Variants in IGDCC4 observed in about 807,000 individuals in gnomAD.
IGDCC4 encodes the protein likely ortholog of mouse neighbor of Punc E11.
IGDCC4 carries 72 observed loss-of-function variants against 116.6 expected under a neutral mutation model. That is an observed-to-expected ratio of 0.62 (90% CI 0.51 to 0.75). The LOEUF (loss-of-function observed/expected upper bound fraction) is 0.75, where lower values mean the gene tolerates loss of function less well. Ranked by LOEUF, IGDCC4 falls within the 30% of genes least tolerant of loss-of-function variation. The pLI, the probability that IGDCC4 is intolerant of heterozygous loss-of-function variation, is 0.00. For missense variants in IGDCC4, 1,501 were observed against 1,662.4 expected (o/e 0.90, Z 1.69); for synonymous variants, 709 against 719.9 (o/e 0.98, Z 0.24).
chr15:65,397,391 G>A (rs1482663430), intron 5 of IGDCC4, among the ~76,000 whole-genome samples: 2 of 152,174 alleles, frequency 1.3e-5, no homozygotes, highest in African/African-American at 4.8e-5. Context: ...ATTCGAATGC[G>A]CACAAAGTTT....
chr15:65,422,669 A>G (rs1595799939), intron 1 of IGDCC4, 124 bp downstream of exon 1: 2 of 724,100 alleles, frequency 2.8e-6, no homozygotes, highest in East Asian at 4.8e-5. Flanking sequence ...GGGCACCTGG[A>G]CGCGCAGCCC....
chr15:65,411,686 C>T (rs1214480103), intron 1 of IGDCC4, among the ~76,000 whole-genome samples: 1 of 152,210 alleles, frequency 6.6e-6, no homozygotes, highest in African/African-American at 2.4e-5. Flanking sequence ...ATGCATGCTA[C>T]AAGGTAGCAA....
At chr15:65,405,935 G>A (rs115555903) in intron 3 of IGDCC4, among the ~76,000 whole-genome samples, 2,853 of 152,274 alleles carry the variant, frequency 0.019, 47 homozygotes, top group South Asian at 0.051. Context: ...AAGAAATGAC[G>A]CAGCTGCTCT....
chr15:65,414,167 G>C (rs2063122937), intron 1 of IGDCC4, among the ~76,000 whole-genome samples: 1 of 152,218 alleles, frequency 6.6e-6, no homozygotes, highest in Non-Finnish European at 1.5e-5. Context: ...AAGAGTGAGG[G>C]GAGAAGAGCA....
At chr15:65,394,986 G>T (rs2062906495) in intron 8 of IGDCC4, 108 bp downstream of exon 8, 5 of 1,211,868 alleles carry the variant, frequency 4.1e-6, no homozygotes, top group Middle Eastern at 2.9e-4. Context: ...CACAAAAGAT[G>T]ATATGAGCAG....
chr15:65,420,189 C>T (rs967828427), intron 1 of IGDCC4, among the ~76,000 whole-genome samples: 5 of 152,326 alleles, frequency 3.3e-5, no homozygotes, highest in Middle Eastern at 3.4e-3. Context: ...TCACGTGATC[C>T]GCCCGCCTTG....
At chr15:65,404,821 C>T (rs1225944587) in intron 3 of IGDCC4, among the ~76,000 whole-genome samples, 1 of 152,096 alleles carries the variant, frequency 6.6e-6, no homozygotes, top group East Asian at 1.9e-4. Context: ...GAGGCAGAGG[C>T]AGGAGGATTG....
chr15:65,416,870 C>T (rs2063149956), intron 1 of IGDCC4, among the ~76,000 whole-genome samples: 2 of 152,152 alleles, frequency 1.3e-5, no homozygotes, highest in East Asian at 1.9e-4. Context: ...TTTTATGAGG[C>T]CAATTAGAAC....
In IGDCC4 at chr15:65,395,232, C is replaced by A. The variant is rs775525455; in HGVS notation, c.1438G>T (p.Ala480Ser). The A allele has an allele frequency of 1.2e-5, 19 of 1,613,406 alleles. No homozygotes were observed. The highest frequency in any genetic ancestry group is 2.2e-5 in the South Asian group (2 of 91,046). ...RGMDNVEYQF[A>S]VNNDTTELQV... ...AGTTCTGTGGTGTCGTTGTTCACTG[C>A]AAACTGGTATTCCACATTGTCCATG... The change falls in exon 8 of 20, where the codon GCA (alanine) becomes TCA (serine). Residue 480 changes from alanine to serine, a missense_variant. Coordinates refer to ENST00000352385, the MANE Select transcript of IGDCC4 (RefSeq NM_020962.3).
Position 65,384,182 on chromosome 15 carries a change from G to GC in IGDCC4, c.3579dup (p.Pro1194AlafsTer33). 1 of 1,612,862 alleles carries GC rather than the reference G, an allele frequency of 6.2e-7. No individual in the cohort carries two copies. The highest frequency in any genetic ancestry group is 8.5e-7 in the Non-Finnish European group (1 of 1,179,252). ...TCTGGCAAGCAGGTAAGTCTGTCTG[G>GC]CCCGGGGGCTGCCAGCTCACACCCT... On this transcript the variant is annotated frameshift_variant, in exon 20 of 20. Transcript: ENST00000352385. LOFTEE classifies it high-confidence loss of function. This position sits in a 1 kb window ranked among gnomAD's most constrained non-coding sequence, Gnocchi z 4.9.
intron 3 of IGDCC4, among the ~76,000 whole-genome samples, chr15:65,408,320 G>T (rs186427496): frequency 6.6e-6 from 1 of 152,152 alleles, no homozygotes; most frequent in Admixed American, 6.5e-5. Context: ...AGGCTCTCGC[G>T]TGGTTCTCTC....
chr15:65,412,213 T>C (rs868387284), intron 1 of IGDCC4, among the ~76,000 whole-genome samples: 5 of 149,772 alleles, frequency 3.3e-5, no homozygotes, highest in South Asian at 2.1e-4. Context: ...AACGAGACTC[T>C]GTGAGAAAAG....
rs1291465962 is a variant in IGDCC4, at chr15:65,390,180, C to T, written c.2383G>A (p.Ala795Thr). Residue 795 changes from alanine to threonine, a missense_variant, in exon 13 of 20, where the codon GCC becomes ACC. By Grantham distance (58) the Ala-to-Thr change is moderately conservative. Around this residue, in one of 3 missense-constraint regions of IGDCC4, gnomAD observed 235 missense variants for 328.0 expected, o/e 0.72. Coordinates refer to ENST00000352385, the MANE Select transcript of IGDCC4 (RefSeq NM_020962.3). Reference protein sequence around the residue: ...VRFSPWGLRNASLVTYYTSSG... With the variant: ...VRFSPWGLRNTSLVTYYTSSG... Reference sequence around the variant, plus strand: ...CTGGTGTAATAGGTGACCAGGGAGGCATTCCTGAGCCCCCAGGGGCTGAAG... The same window carrying T: ...CTGGTGTAATAGGTGACCAGGGAGGTATTCCTGAGCCCCCAGGGGCTGAAG... The T allele has an allele frequency of 6.3e-7, 1 of 1,596,210 alleles. No homozygotes were observed. Among genetic ancestry groups the T allele is most frequent in the Non-Finnish European group, 8.6e-7 (1 of 1,165,972 alleles).
In IGDCC4 at chr15:65,386,190, A is replaced by C. The variant is rs2091456861; in HGVS notation, c.2952-131T>G. ...GGGATTTGCTTTCCTGGTCTGTGCAATGAGTAAGAAAAACTGCTATTGTTC... is the reference window on the plus strand; with the variant it reads ...GGGATTTGCTTTCCTGGTCTGTGCACTGAGTAAGAAAAACTGCTATTGTTC... On this transcript the variant is annotated intron_variant, in intron 17 of 19. Coordinates refer to ENST00000352385, the MANE Select transcript of IGDCC4 (RefSeq NM_020962.3). 1.4e-5 allele frequency: 9 copies of C among 643,048 alleles called. No individual in the cohort carries two copies. The South Asian group carries it at 1.8e-4, about 13-fold the overall frequency. The allele number at this position is 643,048 out of a possible 1,614,324, so 39.8% of individuals were successfully genotyped here. A position where few individuals can be genotyped will look rare whatever the true frequency, so the allele number is the denominator to read the frequency against.
chr15:65,388,099 C>T (rs1206652354), intron 16 of IGDCC4, among the ~76,000 whole-genome samples: 2 of 152,168 alleles, frequency 1.3e-5, no homozygotes, highest in Non-Finnish European at 1.5e-5. Context: ...CAAAAATTAG[C>T]CGGGCATGGT....
At position 65,395,198 on chromosome 15, in the gene IGDCC4, C is replaced by T. The variant is rs149262869; in HGVS notation, c.1472G>A (p.Arg491Gln). Residue 491 changes from arginine (R) to glutamine (Q), a missense_variant, in exon 8 of 20, where the codon CGG (arginine) becomes CAG (glutamine). Around this residue, in one of 3 missense-constraint regions of IGDCC4, gnomAD observed 898 missense variants for 978.9 expected, o/e 0.92. Transcript: ENST00000352385. ...ATAATCTGTGTTGGGTTCCAGGTCC[C>T]GAACCTGTAGTTCTGTGGTGTCGTT... is the stretch of plus-strand genomic sequence containing the variant. ...VNNDTTELQV[R>Q]DLEPNTDYEF... 7.4e-6 allele frequency: 12 copies of T among 1,613,900 alleles called. No individual in the cohort carries two copies. In the East Asian group the frequency reaches 1.3e-4, roughly 18 times the overall value.
Position 65,384,852 on chromosome 15 carries a change from G to A in IGDCC4, c.3342+102C>T. ...TCTCCTGGCTAGACTTCTATCCCCA[G>A]GAAAGTTACCACCCAGGGGTCTCCA... On this transcript the variant is annotated intron_variant, in intron 19 of 19. Transcript: ENST00000352385. This position sits in a 1 kb window ranked among gnomAD's most constrained non-coding sequence, Gnocchi z 4.9. 1.4e-6 allele frequency: 2 copies of A among 1,442,350 alleles called. No homozygotes were observed. Among genetic ancestry groups the A allele is most frequent in the Non-Finnish European group, 9.3e-7 (1 of 1,078,488 alleles). 89.3% of individuals were successfully genotyped at this position (1,442,350 alleles called of 1,614,324 possible). A position where few individuals can be genotyped will look rare whatever the true frequency, so the allele number is the denominator to read the frequency against.
chr15:65,394,561 A>T lies in IGDCC4; in HGVS notation c.1577-13T>A, dbSNP rs376694056. 25 of 1,587,768 alleles carry T rather than the reference A, an allele frequency of 1.6e-5. No homozygotes were observed. The highest frequency in any genetic ancestry group is 2.0e-5 in the Non-Finnish European group (23 of 1,166,596). On this transcript the variant is annotated splice_polypyrimidine_tract_variant and intron_variant, in intron 8 of 19. Transcript: ENST00000352385. The stretch of plus-strand genomic sequence containing the variant: ...GCTGCACTGGGGACTGAGACAGAAG[A>T]ACATCAGCATGAGCTCTGCTCCACC...
rs568152603 is a variant in IGDCC4, at chr15:65,384,463, G to C, written c.3343-44C>G. On this transcript the variant is annotated intron_variant, in intron 19 of 19. Coordinates refer to ENST00000352385, the MANE Select transcript of IGDCC4 (RefSeq NM_020962.3). The surrounding 1 kb of genome is among the most constrained non-coding windows in gnomAD (Gnocchi z 4.9). Reference sequence around the variant, plus strand: ...ACAAAGACAAAGTGACCATTACTGAGAGTAATCATCAGAATGACCAGCGTA... The same window carrying C: ...ACAAAGACAAAGTGACCATTACTGACAGTAATCATCAGAATGACCAGCGTA... 1 of 1,469,246 alleles carries C rather than the reference G, an allele frequency of 6.8e-7. No individual in the cohort carries two copies. The highest frequency in any genetic ancestry group is 9.0e-7 in the Non-Finnish European group (1 of 1,112,198). 91.0% of individuals were successfully genotyped at this position (1,469,246 alleles called of 1,614,324 possible).
Sources: allele counts gnomAD v4.1 joint callset (sites outside exome capture counted in the v4.1 genomes callset), GRCh38; gene constraint gnomAD v4.1.1; regional missense constraint gnomAD v4.1.1; non-coding constraint Gnocchi (gnomAD v3.1); transcripts MANE v1.5; gene names NCBI Gene and HGNC (gene_info 2026-07-23, HGNC 2026-07-21).